KDM6A: variants seen among roughly 807,000 people sequenced by gnomAD.
KDM6A encodes the protein lysine demethylase 6A, also known as lysine-specific demethylase 6A.
KDM6A carries 11 observed loss-of-function variants against 117.6 expected under a neutral mutation model. The ratio of observed to expected loss-of-function variants is 0.09; its 90% CI spans 0.06 to 0.15. The LOEUF (loss-of-function observed/expected upper bound fraction) is 0.15, where lower values mean the gene tolerates loss of function less well. KDM6A is among the 10% of genes least tolerant of loss of function. KDM6A has a pLI of 1.00. For synonymous variants in KDM6A, 384 were observed against 396.1 expected, an observed-to-expected ratio of 0.97 and a Z score of 0.36; for missense variants, 799 against 1,077.3, an observed-to-expected ratio of 0.74 and a Z score of 3.62.
chrX:44,906,708 G>C (rs1418993187), intron 2 of KDM6A, among the ~76,000 whole-genome samples: 1 of 111,002 alleles, frequency 9.0e-6, no homozygotes, highest in African/African-American at 3.3e-5. Context: ...GAGAGAGAGA[G>C]AGATGGGGTT....
chrX:45,093,538 A>G (rs1481346596), intron 27 of KDM6A, among the ~76,000 whole-genome samples: 1 of 110,792 alleles, frequency 9.0e-6, no homozygotes, highest in Non-Finnish European at 1.9e-5. Context: ...AAATAGAGAG[A>G]GGGGGTCAAA....
intron 6 of KDM6A, among the ~76,000 whole-genome samples, chrX:45,032,994 G>A (rs1052874630): frequency 2.7e-5 from 3 of 112,100 alleles, no homozygotes; most frequent in Non-Finnish European, 5.6e-5. Flanking sequence ...ATTCTTCCTT[G>A]TGGGGTTTCA....
rs754525131 is a variant in KDM6A, at chrX:45,065,880, A to G, written c.2079+2063A>G. 2.7e-5 allele frequency among the ~76,000 whole-genome samples: 3 copies of G among 109,388 alleles called. No homozygotes were observed. In the South Asian group the frequency reaches 1.1e-3, roughly 41 times the overall value. The allele number at this position is 109,388 out of a possible 115,157, so 95.0% of individuals were successfully genotyped here. On this transcript the variant is annotated intron_variant, in intron 17 of 29. Coordinates refer to ENST00000611820, the MANE Select transcript of KDM6A (RefSeq NM_001291415.2). ...GTGATGCCCTGGAAGCCAAATGAAGAAAGTTTCAAGGAGGAGGACATGATC... is the reference window on the plus strand; with the variant it reads ...GTGATGCCCTGGAAGCCAAATGAAGGAAGTTTCAAGGAGGAGGACATGATC...
At chrX:45,076,559 G>T (rs2148096954) in intron 18 of KDM6A, 138 bp from the exon 19 acceptor site, 1 of 465,076 alleles carries the variant, frequency 2.2e-6, no homozygotes. Flanking sequence ...TGTTTTTCCT[G>T]ATGGATCCAC....
At chrX:45,056,663 C>T (rs1026379946) in intron 10 of KDM6A, among the ~76,000 whole-genome samples, 1 of 111,380 alleles carries the variant, frequency 9.0e-6, no homozygotes, top group African/African-American at 3.3e-5. Context: ...TAGATTCACC[C>T]AGGACTTTTT....
At chrX:45,034,675 T>C (rs1308413619) in intron 6 of KDM6A, among the ~76,000 whole-genome samples, 1 of 111,995 alleles carries the variant, frequency 8.9e-6, no homozygotes, top group Non-Finnish European at 1.9e-5. Context: ...TAAATAAAAA[T>C]ATACATAGGA....
chrX:44,898,851 G>T (rs902372977), intron 2 of KDM6A, among the ~76,000 whole-genome samples: 8 of 108,673 alleles, frequency 7.4e-5, no homozygotes, highest in Non-Finnish European at 1.5e-4. Flanking sequence ...CTTTTGCTGG[G>T]TGGAGGGTGT....
intron 2 of KDM6A, among the ~76,000 whole-genome samples, chrX:44,922,764 C>T (rs1003782599): frequency 1.1e-4 from 12 of 112,587 alleles, no homozygotes; most frequent in Admixed American, 2.8e-4. Context: ...CCACTGCGCC[C>T]GGCCTAATTT....
intron 2 of KDM6A, among the ~76,000 whole-genome samples, chrX:44,916,449 A>G (rs1176168980): frequency 2.7e-5 from 3 of 110,841 alleles, no homozygotes; most frequent in Non-Finnish European, 5.7e-5. Context: ...TCAACACTGA[A>G]CTTTTTGAAT....
intron 2 of KDM6A, among the ~76,000 whole-genome samples, chrX:44,940,241 C>T (rs771308393): frequency 2.7e-5 from 3 of 110,580 alleles, no homozygotes; most frequent in Non-Finnish European, 5.7e-5. Context: ...TTAGTAGAGA[C>T]GAGGTTTTCA....
At chrX:44,965,027 C>T (rs770745126) in intron 3 of KDM6A, among the ~76,000 whole-genome samples, 12 of 112,623 alleles carry the variant, frequency 1.1e-4, no homozygotes, top group Middle Eastern at 4.6e-3. Flanking sequence ...TCCATCAGCA[C>T]TTGCTGCCTC....
At chrX:44,969,622 T>C (rs1347814346) in intron 3 of KDM6A, among the ~76,000 whole-genome samples, 1 of 109,626 alleles carries the variant, frequency 9.1e-6, no homozygotes, top group Non-Finnish European at 1.9e-5. Flanking sequence ...TTCACCGTGT[T>C]AGCCAGGATG....
rs2147969832 is a variant in KDM6A at position 45,060,754 on chromosome X, G to T, written c.1475G>T (p.Ser492Ile). The part of the protein sequence containing the change: ...SSPAKRKRTS[S>I]PTKNTSDNWS... ...CCTGCCAAGAGGAAAAGAACATCTAGTCCAACAAAGGTATATGTTTTAGAG... is the reference window on the plus strand; with the variant it reads ...CCTGCCAAGAGGAAAAGAACATCTATTCCAACAAAGGTATATGTTTTAGAG... The change falls in exon 14 of 30, where the codon AGT becomes ATT. Residue 492 changes from serine (S) to isoleucine (I), a missense_variant. Around this residue, in one of 8 missense-constraint regions of KDM6A, gnomAD observed 301 missense variants for 318.3 expected, o/e 0.95. Transcript: ENST00000611820. 2 of 1,056,819 alleles carry T rather than the reference G, an allele frequency of 1.9e-6. No homozygotes were observed. Among genetic ancestry groups the T allele is most frequent in the Non-Finnish European group, 2.5e-6 (2 of 802,628 alleles). The allele number at this position is 1,056,819 out of a possible 1,213,427, so 87.1% of individuals were successfully genotyped here. A position where few individuals can be genotyped will look rare whatever the true frequency, so the allele number is the denominator to read the frequency against.
intron 8 of KDM6A, among the ~76,000 whole-genome samples, chrX:45,037,950 G>A (rs917311538): frequency 1.8e-5 from 2 of 111,755 alleles, no homozygotes; most frequent in Non-Finnish European, 3.8e-5. Context: ...GGCTGGGCGC[G>A]GTAGCTCACA....
chrX:44,956,886 T>C (rs769605202), intron 2 of KDM6A, among the ~76,000 whole-genome samples: 5 of 110,986 alleles, frequency 4.5e-5, no homozygotes, highest in African/African-American at 1.6e-4. Flanking sequence ...TCCCACTACT[T>C]TAGGAGGCTG....
intron 2 of KDM6A, among the ~76,000 whole-genome samples, chrX:44,930,331 GC>G (rs1442099590): frequency 9.0e-6 from 1 of 111,110 alleles, no homozygotes; most frequent in Non-Finnish European, 1.9e-5. Flanking sequence ...GATGTATTGT[GC>G]TTTTGTGTTG....
intron 4 of KDM6A, among the ~76,000 whole-genome samples, chrX:44,984,352 T>G (rs1314627204): frequency 3.6e-5 from 4 of 111,479 alleles, no homozygotes; most frequent in African/African-American, 1.3e-4. Context: ...TTTCTCCCAT[T>G]TTGTGGGTTG....
intron 17 of KDM6A, among the ~76,000 whole-genome samples, chrX:45,064,349 T>A (rs981901879): frequency 1.8e-5 from 2 of 111,019 alleles, no homozygotes; most frequent in Non-Finnish European, 3.8e-5. Context: ...TGGTGAAGTG[T>A]GCCTAGAAGA....
At chrX:45,025,036 C>G (rs939637580) in intron 6 of KDM6A, among the ~76,000 whole-genome samples, 2 of 112,413 alleles carry the variant, frequency 1.8e-5, no homozygotes, top group Admixed American at 9.4e-5. Flanking sequence ...AATTCGTGAA[C>G]TAGTTTAATA....
Sources: gnomAD v4.1 joint callset for allele counts (sites outside exome capture counted in the v4.1 genomes callset) on GRCh38, gnomAD v4.1.1 for gene constraint, gnomAD v4.1.1 regional missense constraint, MANE v1.5 for transcripts, NCBI Gene and HGNC (gene_info 2026-07-23, HGNC 2026-07-21) for gene names.